The following MYO5A variants were observed in gnomAD, a reference collection of about 807,000 sequenced individuals.
MYO5A encodes unconventional myosin-Va.
In MYO5A, 98 loss-of-function variants were observed where a neutral mutation model predicts 249.7. The observed-to-expected ratio is 0.39, with a 90% CI of 0.33 to 0.46. MYO5A has a LOEUF of 0.46. Among genes scored for constraint, MYO5A ranks in the 20% least tolerant of loss-of-function variants. The pLI is 0.98. For missense variants in MYO5A, 1,696 were observed against 2,308.8 expected, an observed-to-expected ratio of 0.73 and a Z score of 5.44; for synonymous variants, 778 against 810.6, an observed-to-expected ratio of 0.96 and a Z score of 0.68.
chr15:52,397,883 G>C (rs948200721), intron 9 of MYO5A, among the ~76,000 whole-genome samples: 2 of 152,216 alleles, frequency 1.3e-5, no homozygotes, highest in South Asian at 2.1e-4. Flanking sequence ...TCAAATGATT[G>C]CTCCCTAAAA....
Position 52,484,591 on chromosome 15 carries a change from G to C in MYO5A, c.27+44189C>G, listed in dbSNP as rs909933586. 2.0e-5 allele frequency among the ~76,000 whole-genome samples: 3 copies of C among 152,120 alleles called. No homozygotes were observed. The East Asian group carries it at 5.8e-4, about 29-fold the overall frequency. On this transcript the variant is annotated intron_variant, in intron 1 of 41. Transcript: ENST00000399233. ...AATTAACAAAACAACTTGGTAGAAA[G>C]AATCAAAAATTGCAGGTATTTCCTT... is the stretch of plus-strand genomic sequence containing the variant.
chr15:52,487,825 T>C (rs150814936), intron 1 of MYO5A, among the ~76,000 whole-genome samples: 1 of 152,128 alleles, frequency 6.6e-6, no homozygotes, highest in Non-Finnish European at 1.5e-5. Flanking sequence ...ACGGCCGGCG[T>C]TCCTGATGCC....
chr15:52,413,884 T>C (rs544573685), intron 5 of MYO5A, among the ~76,000 whole-genome samples: 2 of 152,234 alleles, frequency 1.3e-5, no homozygotes, highest in Non-Finnish European at 2.9e-5. Context: ...TTATCTTTTA[T>C]GTTCATCCCA....
In MYO5A at chr15:52,448,957, C is replaced by CTTTTTTTTTTTTTTTTTTTTTTTTTTT. The variant is rs145765339; in HGVS notation, c.28-15699_28-15673dup. On this transcript the variant is annotated intron_variant, in intron 1 of 41. Coordinates refer to ENST00000399233, the MANE Select transcript of MYO5A (RefSeq NM_001382347.1). ...TTTTTTTTTTTCTTTTCTTGTCTTT[C>CTTTTTTTTTTTTTTTTTTTTTTTTTTT]TTTTTTTTTTTTTTTTTTTTTTTTT... Among the ~76,000 whole-genome samples, 48 of 55,594 alleles carry CTTTTTTTTTTTTTTTTTTTTTTTTTTT rather than the reference C, an allele frequency of 8.6e-4. 3 individuals are homozygous for CTTTTTTTTTTTTTTTTTTTTTTTTTTT. Among genetic ancestry groups the CTTTTTTTTTTTTTTTTTTTTTTTTTTT allele is most frequent in the Non-Finnish European group, 1.0e-3 (32 of 31,912 alleles). The allele number at this position is 55,594 out of a possible 152,430, so 36.5% of individuals were successfully genotyped here. A position where few individuals can be genotyped will look rare whatever the true frequency, so the allele number is the denominator to read the frequency against.
At chr15:52,425,704 G>T in intron 4 of MYO5A, 126 bp downstream of exon 4, 2 of 1,121,780 alleles carry the variant, frequency 1.8e-6, no homozygotes, top group Non-Finnish European at 2.6e-6. Context: ...AGACAAACTT[G>T]TCAAGGCTGC....
rs1054760155 is a variant in MYO5A at position 52,307,457 on chromosome 15, T to C, written c.*6239A>G. 6.6e-6 allele frequency: 1 copy of C among 152,190 alleles called. No homozygotes were observed. Among genetic ancestry groups the C allele is most frequent in the Non-Finnish European group, 1.5e-5 (1 of 68,002 alleles). 9.4% of individuals were successfully genotyped at this position (152,190 alleles called of 1,614,324 possible). ...CTAGGTGATATCTAGTGAAAACCCA[T>C]GTTTCAAAGGCTTTTGTTGATATGA... On this transcript the variant is annotated 3_prime_UTR_variant, in exon 42 of 42. Coordinates refer to ENST00000399233, the MANE Select transcript of MYO5A (RefSeq NM_001382347.1).
At chr15:52,467,690 C>A (rs1025273662) in intron 1 of MYO5A, among the ~76,000 whole-genome samples, 1 of 152,026 alleles carries the variant, frequency 6.6e-6, no homozygotes, top group African/African-American at 2.4e-5. Flanking sequence ...GGAAAATAAA[C>A]TGCAAAAAAA....
chr15:52,403,278 T>G (rs2042841176), intron 9 of MYO5A, among the ~76,000 whole-genome samples: 1 of 152,106 alleles, frequency 6.6e-6, no homozygotes, highest in South Asian at 2.1e-4. Context: ...ACATTCAGAG[T>G]AGTGTTATTC....
chr15:52,432,488 G>C (rs1164634509), intron 2 of MYO5A, among the ~76,000 whole-genome samples: 5 of 152,196 alleles, frequency 3.3e-5, no homozygotes, highest in Admixed American at 3.3e-4. Flanking sequence ...AGTCATCTGT[G>C]TTCAAATCTC....
rs144475641 is a variant in MYO5A at position 52,319,941 on chromosome 15, G to T, written c.4952-599C>A. 3.9e-5 allele frequency among the ~76,000 whole-genome samples: 6 copies of T among 152,280 alleles called. No homozygotes were observed. In the East Asian group the frequency reaches 1.2e-3, roughly 29 times the overall value. ...AGAACAAGTGTGTGTGTCTTGGGTG[G>T]GCTTTTGAGAGTGGTAGGTAGCAGT... On this transcript the variant is annotated intron_variant, in intron 38 of 41. Coordinates refer to ENST00000399233, the MANE Select transcript of MYO5A (RefSeq NM_001382347.1).
chr15:52,478,373 G>C (rs2076643589), intron 1 of MYO5A, among the ~76,000 whole-genome samples: 1 of 152,164 alleles, frequency 6.6e-6, no homozygotes, highest in Non-Finnish European at 1.5e-5. Context: ...GTGAGGCGAT[G>C]CCTCACCCTG....
intron 2 of MYO5A, among the ~76,000 whole-genome samples, chr15:52,428,999 C>T (rs1426752383): frequency 6.6e-6 from 1 of 152,134 alleles, no homozygotes; most frequent in Non-Finnish European, 1.5e-5. Context: ...TCTTGAGTTA[C>T]AGTATTTCAC....
chr15:52,313,470 GT>G lies in MYO5A; in HGVS notation c.*225del. The stretch of plus-strand genomic sequence containing the variant: ...CCTGTATGTAAACTCACGGTACCTA[GT>G]TGGTTAAGGATGAGTGTTGCTATAA... On this transcript the variant is annotated 3_prime_UTR_variant, in exon 42 of 42. Transcript: ENST00000399233. The G allele has an allele frequency of 1.8e-6, 1 of 556,632 alleles. No individual in the cohort carries two copies. The highest frequency in any genetic ancestry group is 3.3e-5 in the East Asian group (1 of 29,968). The allele number at this position is 556,632 out of a possible 1,614,324, so 34.5% of individuals were successfully genotyped here. A position where few individuals can be genotyped will look rare whatever the true frequency, so the allele number is the denominator to read the frequency against.
At chr15:52,527,698 C>T (rs1352519209) in intron 1 of MYO5A, among the ~76,000 whole-genome samples, 4 of 152,184 alleles carry the variant, frequency 2.6e-5, no homozygotes, top group Non-Finnish European at 2.9e-5. Flanking sequence ...TAGTAAGTCC[C>T]GGCTTGAATC....
At position 52,389,187 on chromosome 15, in the gene MYO5A, T is replaced by G. The variant is rs576320034; in HGVS notation, c.1668+51A>C. 23 of 1,574,734 alleles carry G rather than the reference T, an allele frequency of 1.5e-5. No homozygotes were observed. The South Asian group carries it at 2.6e-4, about 18-fold the overall frequency. ...AAAGATACCTCCTGACTATTGGGTT[T>G]TTTCCACATTTAAGTATTCAAAAAG... On this transcript the variant is annotated intron_variant, in intron 13 of 41. Transcript: ENST00000399233.
chr15:52,322,870 G>C (rs995070639), intron 37 of MYO5A, among the ~76,000 whole-genome samples: 17 of 148,594 alleles, frequency 1.1e-4, no homozygotes, highest in African/African-American at 4.2e-4. Flanking sequence ...TAGGGTACAT[G>C]TGCACAATGT....
At chr15:52,475,676 G>C (rs1007730845) in intron 1 of MYO5A, among the ~76,000 whole-genome samples, 2 of 152,198 alleles carry the variant, frequency 1.3e-5, no homozygotes, top group African/African-American at 4.8e-5. Flanking sequence ...AGGTTGTTCA[G>C]TTTCCATGTA....
intron 18 of MYO5A, 67 bp downstream of exon 18, chr15:52,379,558 C>T (rs1367506920): frequency 7.0e-6 from 10 of 1,420,040 alleles, no homozygotes; most frequent in East Asian, 6.8e-5. Context: ...CAAAAGTTCC[C>T]GGGGCTTTCC....
intron 1 of MYO5A, among the ~76,000 whole-genome samples, chr15:52,476,495 C>T (rs2076596418): frequency 6.6e-6 from 1 of 152,180 alleles, no homozygotes; most frequent in Non-Finnish European, 1.5e-5. Context: ...CATCGATGGT[C>T]TTTACAATTT....
Sources: allele counts gnomAD v4.1 joint callset (sites outside exome capture counted in the v4.1 genomes callset), GRCh38; gene constraint gnomAD v4.1.1; transcripts MANE v1.5; gene names NCBI Gene and HGNC (gene_info 2026-07-23, HGNC 2026-07-21).